The following PRKCG variants were observed in gnomAD, a reference collection of about 807,000 sequenced individuals.
PRKCG encodes protein kinase C gamma, also known as protein kinase C gamma type.
Under a neutral mutation model 82.0 loss-of-function variants are expected in PRKCG, and 28 were observed. The observed-to-expected ratio is 0.34, with a 90% CI of 0.25 to 0.47. The LOEUF is 0.47. PRKCG is among the 20% of genes least tolerant of loss of function. The probability of loss-of-function intolerance (pLI) is 1.00; values close to 1 mark genes in which losing one functional copy is unlikely to be tolerated. For synonymous variants in PRKCG, 383 were observed against 376.6 expected (o/e 1.02, Z -0.20); for missense variants, 640 against 952.7 (o/e 0.67, Z 4.32).
Position 53,889,885 on chromosome 19 carries a change from G to T in PRKCG, c.398-1G>T. 1 of 1,583,392 alleles carries T rather than the reference G, an allele frequency of 6.3e-7. No homozygotes were observed. Among genetic ancestry groups the T allele is most frequent in the East Asian group, 2.3e-5 (1 of 43,042 alleles). On this transcript the variant is annotated splice_acceptor_variant, in intron 4 of 17. Coordinates refer to ENST00000263431, the MANE Select transcript of PRKCG (RefSeq NM_002739.5). LOFTEE classifies it high-confidence loss of function. This position sits in a 1 kb window ranked among gnomAD's most constrained non-coding sequence, Gnocchi z 4.4. ...GTGCTACCCGCAGCTTTCCCCTCCA[G>T]GCTGCGAGATGAACGTGCACCGGCG...
At chr19:53,888,753 G>A (rs938090561) in intron 3 of PRKCG, among the ~76,000 whole-genome samples, 1 of 152,016 alleles carries the variant, frequency 6.6e-6, no homozygotes, top group Non-Finnish European at 1.5e-5. Flanking sequence ...CTCAGAGAAG[G>A]CATACCATAT....
intron 3 of PRKCG, among the ~76,000 whole-genome samples, chr19:53,887,982 G>C (rs981035500): frequency 2.7e-4 from 41 of 152,160 alleles, no homozygotes; most frequent in African/African-American, 9.7e-4. Context: ...AGCTGGGTAG[G>C]GGATAGAGGC....
intron 11 of PRKCG, among the ~76,000 whole-genome samples, 163 bp downstream of exon 11, chr19:53,898,791 GTCCTTGGGGGGCGT>G (rs2068738525): frequency 2.1e-5 from 2 of 94,258 alleles, no homozygotes; most frequent in Non-Finnish European, 4.1e-5. Context: ...CCGGGGGGGG[GTCCTTGGGGGGCGT>G]GGCCAGGCGA....
At chr19:53,890,447 G>A (rs1247949483) in intron 5 of PRKCG, among the ~76,000 whole-genome samples, 14 of 151,134 alleles carry the variant, frequency 9.3e-5, no homozygotes, top group Admixed American at 7.9e-4. Context: ...TAGTACAAAC[G>A]GGGTTTCACC....
intron 3 of PRKCG, among the ~76,000 whole-genome samples, chr19:53,886,139 CT>C (rs947699143): frequency 6.6e-6 from 1 of 151,082 alleles, no homozygotes; most frequent in Non-Finnish European, 1.5e-5. Flanking sequence ...GAGTTTCACT[CT>C]GTCACCCAGG....
intron 14 of PRKCG, among the ~76,000 whole-genome samples, chr19:53,901,550 T>TAAA (rs2068763488): frequency 1.9e-5 from 1 of 51,882 alleles, no homozygotes; most frequent in Non-Finnish European, 3.0e-5. Context: ...TAACTTCATC[T>TAAA]CAAAAAAAAA....
chr19:53,898,561 TGG>T lies in PRKCG; in HGVS notation c.1219_1220del (p.Gly407ProfsTer46). 6.2e-7 allele frequency: 1 copy of T among 1,612,648 alleles called. No homozygotes were observed. The highest frequency in any genetic ancestry group is 1.3e-5 in the African/African-American group (1 of 74,940). On this transcript the variant is annotated frameshift_variant, in exon 11 of 18. Coordinates refer to ENST00000263431, the MANE Select transcript of PRKCG (RefSeq NM_002739.5). LOFTEE classifies it high-confidence loss of function. The stretch of plus-strand genomic sequence containing the variant: ...CTGGTGGAGAAACGTGTGCTGGCGC[TGG>T]GGGGCCGGGGTCCTGGCGGCCGGCC...
At chr19:53,899,939 G>A (rs2068750356) in intron 11 of PRKCG, among the ~76,000 whole-genome samples, 1 of 152,218 alleles carries the variant, frequency 6.6e-6, no homozygotes, top group Non-Finnish European at 1.5e-5. Context: ...GTGAGTGGCT[G>A]TGGAAAGAGA....
At position 53,882,698 on chromosome 19, in the gene PRKCG, G is replaced by T; in HGVS notation, c.170+34G>T. On this transcript the variant is annotated intron_variant, in intron 1 of 17. Transcript: ENST00000263431. This position sits in a 1 kb window ranked among gnomAD's most constrained non-coding sequence, Gnocchi z 6.1. ...AGGGGGCTGGGGGACTGGGGGACGAGGGGACTAGGGGTGCAGACTCCTATC... is the reference window on the plus strand; with the variant it reads ...AGGGGGCTGGGGGACTGGGGGACGATGGGACTAGGGGTGCAGACTCCTATC... The T allele has an allele frequency of 6.2e-7, 1 of 1,603,806 alleles. No homozygotes were observed. The highest frequency in any genetic ancestry group is 8.5e-7 in the Non-Finnish European group (1 of 1,174,108).
intron 9 of PRKCG, among the ~76,000 whole-genome samples, chr19:53,895,487 C>CAAAAAA (rs760577483): frequency 4.8e-5 from 3 of 62,886 alleles, no homozygotes; most frequent in Non-Finnish European, 7.7e-5. Flanking sequence ...GACTCTGTCT[C>CAAAAAA]AAAAAAAAAA....
Position 53,892,908 on chromosome 19 carries a change from T to C in PRKCG, c.822-80T>C, listed in dbSNP as rs1254252762. On this transcript the variant is annotated intron_variant, in intron 7 of 17. Transcript: ENST00000263431. This position sits in a 1 kb window ranked among gnomAD's most constrained non-coding sequence, Gnocchi z 5.9. ...TCTGTGTCCGTCTCTCTGTGTCTCT[T>C]TCCTCCCTTCCAATGTCTTTGCCTC... The C allele has an allele frequency of 2.9e-5, 39 of 1,347,026 alleles. No homozygotes were observed. The highest frequency in any genetic ancestry group is 4.1e-5 in the Non-Finnish European group (39 of 948,438). The allele number at this position is 1,347,026 out of a possible 1,614,324, so 83.4% of individuals were successfully genotyped here. A position where few individuals can be genotyped will look rare whatever the true frequency, so the allele number is the denominator to read the frequency against.
Position 53,891,661 on chromosome 19 carries a change from A to T in PRKCG, c.530-13A>T, listed in dbSNP as rs548629226. 3.7e-6 allele frequency: 6 copies of T among 1,611,040 alleles called. No individual in the cohort carries two copies. The highest frequency in any genetic ancestry group is 5.1e-6 in the Non-Finnish European group (6 of 1,179,196). On this transcript the variant is annotated splice_polypyrimidine_tract_variant and intron_variant, in intron 5 of 17. Coordinates refer to ENST00000263431, the MANE Select transcript of PRKCG (RefSeq NM_002739.5). ...TCTCTAACCCGTCACACTCTTCCTC[A>T]CTCCCCGTTTAGTTGGCGAGGCCCG...
intron 15 of PRKCG, among the ~76,000 whole-genome samples, chr19:53,903,980 G>A (rs1309158303): frequency 6.6e-6 from 1 of 152,092 alleles, no homozygotes; most frequent in Non-Finnish European, 1.5e-5. Context: ...CTAATAATTT[G>A]GAATATCTGC....
rs1438421916 is a variant in PRKCG at position 53,889,114 on chromosome 19, G to A, written c.286-524G>A. Among the ~76,000 whole-genome samples the A allele has an allele frequency of 1.3e-5, 2 of 152,016 alleles. No individual in the cohort carries two copies. The highest frequency in any genetic ancestry group is 2.4e-5 in the African/African-American group (1 of 41,382). Reference sequence around the variant, plus strand: ...ATTACAGGCATGCACCACCATGTCCGGCTAATTTTTGTATTTTTAGTAGAG... The same window carrying A: ...ATTACAGGCATGCACCACCATGTCCAGCTAATTTTTGTATTTTTAGTAGAG... On this transcript the variant is annotated intron_variant, in intron 3 of 17. Transcript: ENST00000263431. This position sits in a 1 kb window ranked among gnomAD's most constrained non-coding sequence, Gnocchi z 4.4.
In PRKCG at chr19:53,900,805, T is replaced by C. The variant is rs958798398; in HGVS notation, c.1575+56T>C. 10 of 1,612,612 alleles carry C rather than the reference T, an allele frequency of 6.2e-6. No individual in the cohort carries two copies. The highest frequency in any genetic ancestry group is 8.5e-6 in the Non-Finnish European group (10 of 1,179,628). ...TTTGAGATCCCTTAGAGGGTGTAGCTGATGGTCCAGTATTCACCACGGGTG... is the reference window on the plus strand; with the variant it reads ...TTTGAGATCCCTTAGAGGGTGTAGCCGATGGTCCAGTATTCACCACGGGTG... On this transcript the variant is annotated intron_variant, in intron 14 of 17. Coordinates refer to ENST00000263431, the MANE Select transcript of PRKCG (RefSeq NM_002739.5). This position sits in a 1 kb window ranked among gnomAD's most constrained non-coding sequence, Gnocchi z 4.2.
In PRKCG at chr19:53,897,988, C is replaced by T. The variant is rs774652675; in HGVS notation, c.969C>T (p.Pro323=). Residue 323 remains proline (P), a synonymous_variant, in exon 10 of 18, where the codon CCC becomes CCT. Transcript: ENST00000263431. ...ERVRMGPSSS[P]IPSPSPSPTD... Reference sequence around the variant, plus strand: ...TGCGGATGGGCCCCTCTTCCTCTCCCATCCCCTCCCCTTCCCCTAGTCCCA... The same window carrying T: ...TGCGGATGGGCCCCTCTTCCTCTCCTATCCCCTCCCCTTCCCCTAGTCCCA... The T allele has an allele frequency of 1.2e-6, 2 of 1,614,186 alleles. No homozygotes were observed. The highest frequency in any genetic ancestry group is 2.2e-5 in the South Asian group (2 of 91,086).
intron 9 of PRKCG, 73 bp downstream of exon 9, chr19:53,893,464 T>G: frequency 6.8e-7 from 1 of 1,480,810 alleles, no homozygotes; most frequent in South Asian, 1.1e-5. Flanking sequence ...TCCTCTGACT[T>G]CTGTCTTCAA....
rs780057970 is a variant in PRKCG at position 53,883,939 on chromosome 19, G to A, written c.203-222G>A. Among the ~76,000 whole-genome samples, 5 of 151,830 alleles carry A rather than the reference G, an allele frequency of 3.3e-5. No homozygotes were observed. The highest frequency in any genetic ancestry group is 4.8e-5 in the African/African-American group (2 of 41,288). On this transcript the variant is annotated intron_variant, in intron 2 of 17. Transcript: ENST00000263431. The surrounding 1 kb of genome is among the most constrained non-coding windows in gnomAD (Gnocchi z 5.4). ...TCTGTGTCTCTCTGTAAGTCTCTGC[G>A]TCTCTGTTTCTGACTCTGAGCCCAT...
At chr19:53,901,719 G>A (rs1323823412) in intron 14 of PRKCG, among the ~76,000 whole-genome samples, 1 of 147,932 alleles carries the variant, frequency 6.8e-6, no homozygotes, top group Non-Finnish European at 1.5e-5. Flanking sequence ...GCGTGGTGGC[G>A]GGTGCCTGTA....
Sources: allele counts gnomAD v4.1 joint callset (sites outside exome capture counted in the v4.1 genomes callset), GRCh38; gene constraint gnomAD v4.1.1; non-coding constraint Gnocchi (gnomAD v3.1); transcripts MANE v1.5; gene names NCBI Gene and HGNC (gene_info 2026-07-23, HGNC 2026-07-21).